GIPC1: variants seen among roughly 807,000 people sequenced by gnomAD.
GIPC1 encodes the protein GIPC PDZ domain containing family member 1, also known as PDZ domain-containing protein GIPC1.
In GIPC1, 15 loss-of-function variants were observed where a neutral mutation model predicts 28.5. The observed-to-expected ratio is 0.53, with a 90% CI of 0.35 to 0.81. The LOEUF is 0.81. GIPC1 is among the 30% of genes least tolerant of loss of function. The probability of loss-of-function intolerance (pLI) is 0.01; values close to 1 mark genes in which losing one functional copy is unlikely to be tolerated. For synonymous variants in GIPC1, 224 were observed against 206.1 expected (o/e 1.09, Z -0.74); for missense variants, 439 against 481.9 (o/e 0.91, Z 0.83).
intron 3 of GIPC1, chr19:14,489,509 T>G: frequency 4.4e-6 from 4 of 904,034 alleles, no homozygotes; most frequent in Non-Finnish European, 7.5e-6. Flanking sequence ...ATGAACCTTG[T>G]GATAGATGAA....
intron 5 of GIPC1, 23 bp from the exon 6 acceptor site, chr19:14,480,508 G>A (rs199761579): frequency 6.2e-7 from 1 of 1,606,138 alleles, no homozygotes; most frequent in South Asian, 1.1e-5. Flanking sequence ...GGAGTCATCA[G>A]CCCTTGGGGC....
At chr19:14,484,125 G>A (rs1269920670) in intron 3 of GIPC1, among the ~76,000 whole-genome samples, 1 of 132,476 alleles carries the variant, frequency 7.5e-6, no homozygotes, top group Non-Finnish European at 1.6e-5. Flanking sequence ...AAGAGACCCT[G>A]ACTCTTTTTT....
At chr19:14,482,595 C>T in intron 4 of GIPC1, 94 bp downstream of exon 4, 3 of 1,264,364 alleles carry the variant, frequency 2.4e-6, no homozygotes, top group Non-Finnish European at 3.4e-6. Flanking sequence ...GCATCTGCAG[C>T]TTCAGCATCT....
intron 3 of GIPC1, among the ~76,000 whole-genome samples, chr19:14,486,476 G>C (rs184609219): frequency 6.6e-6 from 1 of 152,184 alleles, no homozygotes; most frequent in African/African-American, 2.4e-5. Flanking sequence ...TTAAGTGCTG[G>C]AGCCTCCAGA....
intron 2 of GIPC1, among the ~76,000 whole-genome samples, chr19:14,492,426 CCTCCCGAGTAG>C (rs560353513): frequency 0.011 from 1,731 of 152,152 alleles, 16 homozygotes; most frequent in Non-Finnish European, 0.02. Context: ...CCTGCCTCAG[CCTCCCGAGTAG>C]CTGGGACTAC....
At chr19:14,490,610 G>T (rs1461727655) in intron 3 of GIPC1, among the ~76,000 whole-genome samples, 1 of 151,780 alleles carries the variant, frequency 6.6e-6, no homozygotes, top group Non-Finnish European at 1.5e-5. Flanking sequence ...CTGGGAGGCA[G>T]AGGTTGAGGT....
chr19:14,486,882 C>T (rs536866090), intron 3 of GIPC1, among the ~76,000 whole-genome samples: 3 of 151,674 alleles, frequency 2.0e-5, no homozygotes, highest in East Asian at 1.9e-4. Context: ...GTGATCCACC[C>T]GCCTCAGCCT....
At chr19:14,489,585 TATC>T (rs763264824) in intron 3 of GIPC1, 9 of 1,126,816 alleles carry the variant, frequency 8.0e-6, no homozygotes, top group Non-Finnish European at 1.2e-5. Flanking sequence ...GAGGAAATAG[TATC>T]ATCATGTTAG....
Position 14,482,935 on chromosome 19 carries a change from T to G in GIPC1, c.42A>C (p.Leu14=), listed in dbSNP as rs764480755. 4.3e-6 allele frequency: 7 copies of G among 1,611,428 alleles called. No homozygotes were observed. Among genetic ancestry groups the G allele is most frequent in the Middle Eastern group, 1.7e-4 (1 of 6,012 alleles). The part of the protein sequence containing the change: ...GLGRRKKAPP[L]VENEEAEPGR... ...CTGGCTCAGCCTCCTCATTTTCCAC[T>G]AGAGGGGGCGCCTTTTTCCGCCGCC... Residue 14 remains leucine (L), a synonymous_variant, in exon 4 of 9, where the codon CTA becomes CTC. Transcript: ENST00000393033.
chr19:14,484,690 T>G (rs1354453809), intron 3 of GIPC1, among the ~76,000 whole-genome samples: 2 of 152,080 alleles, frequency 1.3e-5, no homozygotes, highest in Non-Finnish European at 1.5e-5. Flanking sequence ...GAGGTTGCAG[T>G]GAGCTGAGAC....
rs191016110 is a variant in GIPC1, at chr19:14,493,737, G to A, written c.-174-825C>T. Among the ~76,000 whole-genome samples, 306 of 152,184 alleles carry A rather than the reference G, an allele frequency of 2.0e-3. 3 individuals carry two copies. Among genetic ancestry groups the A allele is most frequent in the African/African-American group, 7.0e-3 (289 of 41,508 alleles). ...TGCAATGGCGCGATCTTGGCTCACC[G>A]CAACCTCTGCCTACCGGGTTCAAGC... On this transcript the variant is annotated intron_variant, in intron 1 of 8. Transcript: ENST00000393033.
In GIPC1 at chr19:14,478,521, C is replaced by T; in HGVS notation, c.897G>A (p.Glu299=). 1.2e-6 allele frequency: 2 copies of T among 1,614,082 alleles called. No homozygotes were observed. Among genetic ancestry groups the T allele is most frequent in the South Asian group, 1.1e-5 (1 of 91,082 alleles). ...GCCGTTCGTCCAGGGCCTCGGCCAG[C>T]TCATCCGGGTTCCTTTTGTCCTTTC... The part of the protein sequence containing the change: ...ELGKDKRNPD[E]LAEALDERLG... The change falls in exon 9 of 9, where the codon GAG becomes GAA. Residue 299 remains glutamate (E), a synonymous_variant. Coordinates refer to ENST00000393033, the MANE Select transcript of GIPC1 (RefSeq NM_005716.4). This position sits in a 1 kb window ranked among gnomAD's most constrained non-coding sequence, Gnocchi z 5.2.
chr19:14,481,640 G>C (rs962830033), intron 4 of GIPC1: 20 of 142,494 alleles, frequency 1.4e-4, no homozygotes, highest in Non-Finnish European at 3.0e-5. Flanking sequence ...AAAATGGTTT[G>C]AACCCAGGAG....
chr19:14,487,236 CT>C (rs112964277), intron 3 of GIPC1, among the ~76,000 whole-genome samples: 324 of 139,106 alleles, frequency 2.3e-3, no homozygotes, highest in Non-Finnish European at 2.1e-3. Context: ...TTCTTTCTTT[CT>C]TTTTTTTTTT....
chr19:14,491,941 GC>G (rs1311069702), intron 2 of GIPC1, among the ~76,000 whole-genome samples, 198 bp from the exon 3 acceptor site: 1 of 152,046 alleles, frequency 6.6e-6, no homozygotes, highest in African/African-American at 2.4e-5. Context: ...GGTGGCGGGC[GC>G]CTGCAGTCCC....
At chr19:14,480,839 T>G in intron 4 of GIPC1, 61 bp from the exon 5 acceptor site, 1 of 1,217,874 alleles carries the variant, frequency 8.2e-7, no homozygotes, top group Non-Finnish European at 1.2e-6. Context: ...TAATCACCAC[T>G]GGAGGGCGAA....
chr19:14,487,236 C>CT (rs112964277), intron 3 of GIPC1, among the ~76,000 whole-genome samples: 7,798 of 139,248 alleles, frequency 0.056, 702 homozygotes, highest in African/African-American at 0.19. Context: ...TTCTTTCTTT[C>CT]TTTTTTTTTT....
chr19:14,480,873 G>C (rs566104935), intron 4 of GIPC1, 95 bp from the exon 5 acceptor site: 1 of 891,264 alleles, frequency 1.1e-6, no homozygotes, highest in African/African-American at 1.7e-5. Flanking sequence ...GAGAGGACTA[G>C]GGGGATTCCA....
chr19:14,480,527 G>C (rs749397764), intron 5 of GIPC1, 42 bp from the exon 6 acceptor site: 1 of 1,604,392 alleles, frequency 6.2e-7, no homozygotes, highest in South Asian at 1.1e-5. Flanking sequence ...GCTCTGCCCT[G>C]GTTTCCGGGG....
Sources: gnomAD v4.1 joint callset for allele counts (sites outside exome capture counted in the v4.1 genomes callset) on GRCh38, gnomAD v4.1.1 for gene constraint, Gnocchi (gnomAD v3.1) non-coding constraint, MANE v1.5 for transcripts, NCBI Gene and HGNC (gene_info 2026-07-23, HGNC 2026-07-21) for gene names.